Variants in INTS8 observed in about 807,000 individuals in gnomAD.
INTS8 encodes protein kaonashi-1.
Under a neutral mutation model 138.9 loss-of-function variants are expected in INTS8, and 47 were observed. The ratio of observed to expected loss-of-function variants is 0.34; its 90% CI spans 0.27 to 0.43. INTS8 has a LOEUF of 0.43. Among genes scored for constraint, INTS8 ranks in the 20% least tolerant of loss-of-function variants. The pLI, the probability that INTS8 is intolerant of heterozygous loss-of-function variation, is 1.00. For missense variants in INTS8, 996 were observed against 1,173.0 expected, an observed-to-expected ratio of 0.85 and a Z score of 2.20; for synonymous variants, 392 against 400.9, an observed-to-expected ratio of 0.98 and a Z score of 0.27.
chr8:94,839,036 A>T (rs1377655554), intron 8 of INTS8, among the ~76,000 whole-genome samples: 1 of 152,212 alleles, frequency 6.6e-6, no homozygotes, highest in Non-Finnish European at 1.5e-5. Flanking sequence ...TAGTTTTACA[A>T]AACATTAAGT....
At chr8:94,846,678 G>A (rs78460203) in intron 10 of INTS8, among the ~76,000 whole-genome samples, 5,149 of 152,260 alleles carry the variant, frequency 0.034, 88 homozygotes, top group Non-Finnish European at 0.04. Context: ...CAGAAAGCAA[G>A]CTTGCACTAT....
chr8:94,874,442 C>T, intron 22 of INTS8, 110 bp from the exon 23 acceptor site: 1 of 687,878 alleles, frequency 1.5e-6, no homozygotes, highest in Admixed American at 2.3e-5. Context: ...CATATATCCC[C>T]CGTTCCTCCA....
intron 15 of INTS8, among the ~76,000 whole-genome samples, chr8:94,857,902 G>T (rs75838379): frequency 0.034 from 5,150 of 152,326 alleles, 91 homozygotes; most frequent in Non-Finnish European, 0.04. Context: ...ATATTGCAAT[G>T]TTCAGGTGTT....
At chr8:94,843,214 A>G (rs1299585678) in intron 10 of INTS8, among the ~76,000 whole-genome samples, 1 of 152,204 alleles carries the variant, frequency 6.6e-6, no homozygotes. Flanking sequence ...CTTTCACTAA[A>G]GAGATTTATT....
intron 10 of INTS8, among the ~76,000 whole-genome samples, chr8:94,848,315 T>G (rs1287038634): frequency 6.6e-6 from 1 of 152,052 alleles, no homozygotes; most frequent in Admixed American, 6.6e-5. Context: ...ACCAAGCCTG[T>G]TTTTTTAATA....
rs1394029010 is a variant in INTS8 at position 94,872,111 on chromosome 8, C to G, written c.2533+109C>G. 9 of 601,982 alleles carry G rather than the reference C, an allele frequency of 1.5e-5. No individual in the cohort carries two copies. In the East Asian group the frequency reaches 2.6e-4, roughly 17 times the overall value. 37.3% of individuals were successfully genotyped at this position (601,982 alleles called of 1,614,324 possible). A position where few individuals can be genotyped will look rare whatever the true frequency, so the allele number is the denominator to read the frequency against. On this transcript the variant is annotated intron_variant, in intron 21 of 26. Coordinates refer to ENST00000523731, the MANE Select transcript of INTS8 (RefSeq NM_017864.4). ...AATACTTAAGTTTTGTTGAGATTTA[C>G]TTGTCTTTAGTAAAATTAAAGCAGT...
intron 5 of INTS8, among the ~76,000 whole-genome samples, chr8:94,831,031 C>T (rs561677812): frequency 2.6e-5 from 4 of 152,106 alleles, no homozygotes; most frequent in African/African-American, 4.8e-5. Context: ...CTCCTGACCT[C>T]GTGATCTGCC....
intron 12 of INTS8, among the ~76,000 whole-genome samples, chr8:94,850,382 A>G (rs528306894): frequency 6.4e-4 from 97 of 152,234 alleles, no homozygotes; most frequent in Admixed American, 2.2e-3. Flanking sequence ...GGAGGCCAAG[A>G]CGGGCGGATC....
chr8:94,868,520 G>A (rs1816265852), intron 20 of INTS8, among the ~76,000 whole-genome samples: 1 of 152,194 alleles, frequency 6.6e-6, no homozygotes, highest in South Asian at 2.1e-4. Context: ...TCCCAAGGGA[G>A]CACCATGCTG....
intron 26 of INTS8, among the ~76,000 whole-genome samples, chr8:94,879,249 A>G (rs748685072): frequency 1.1e-4 from 16 of 152,172 alleles, no homozygotes; most frequent in Non-Finnish European, 2.2e-4. Context: ...TGACGATCAT[A>G]TCTGAATAGT....
chr8:94,826,312 C>T (rs140091927), intron 2 of INTS8, among the ~76,000 whole-genome samples: 5,666 of 151,390 alleles, frequency 0.037, 113 homozygotes, highest in African/African-American at 0.048. Flanking sequence ...GACGGAGTCT[C>T]GCTCTGTCAC....
At chr8:94,855,896 T>A (rs1029753729) in intron 14 of INTS8, among the ~76,000 whole-genome samples, 2 of 152,168 alleles carry the variant, frequency 1.3e-5, no homozygotes, top group African/African-American at 4.8e-5. Flanking sequence ...CAGGGCAGAT[T>A]ATGAGTTTAT....
In INTS8 at chr8:94,856,766, T is replaced by A. The variant is rs1455024606; in HGVS notation, c.1753-11T>A. 1.2e-6 allele frequency: 2 copies of A among 1,613,452 alleles called. No homozygotes were observed. The highest frequency in any genetic ancestry group is 1.7e-6 in the Non-Finnish European group (2 of 1,179,482). ...GAAAGGTGACCCAGGCTATTCTTTT[T>A]CTTTTCATAGGACTTTTCCCATGCT... On this transcript the variant is annotated splice_polypyrimidine_tract_variant and intron_variant, in intron 14 of 26. Coordinates refer to ENST00000523731, the MANE Select transcript of INTS8 (RefSeq NM_017864.4).
chr8:94,831,759 C>T (rs960811735), intron 5 of INTS8, among the ~76,000 whole-genome samples: 7 of 151,900 alleles, frequency 4.6e-5, no homozygotes, highest in East Asian at 1.9e-4. Flanking sequence ...GGATTATAGG[C>T]GTGAGCCACC....
intron 18 of INTS8, 127 bp from the exon 19 acceptor site, chr8:94,867,013 A>C: frequency 1.3e-6 from 1 of 750,914 alleles, no homozygotes; most frequent in Non-Finnish European, 2.2e-6. Context: ...AGCACATGCT[A>C]AAACAGATGC....
intron 6 of INTS8, among the ~76,000 whole-genome samples, chr8:94,832,740 C>A (rs561697564): frequency 6.6e-6 from 1 of 151,948 alleles, no homozygotes; most frequent in East Asian, 1.9e-4. Flanking sequence ...CTGCAAACTC[C>A]GCCTCCCGGG....
Position 94,849,503 on chromosome 8 carries a change from T to C in INTS8, c.1302T>C (p.Ser434=). Residue 434 remains serine, a synonymous_variant, in exon 11 of 27, where the codon TCT becomes TCC. Transcript: ENST00000523731. ...RSVNLEKASE[S]LKGNMAAFLK... ...TAAATTTAGAAAAAGCTTCAGAGTC[T>C]TTGAAAGGAAACATGGCTGCTTTTC... is the stretch of plus-strand genomic sequence containing the variant. The C allele has an allele frequency of 5.7e-6, 9 of 1,572,232 alleles. No individual in the cohort carries two copies. Among genetic ancestry groups the C allele is most frequent in the Non-Finnish European group, 6.9e-6 (8 of 1,154,994 alleles).
Position 94,880,169 on chromosome 8 carries a change from T to C in INTS8, c.2923T>C (p.Leu975=). ...ELNASNPEEV[L]QLAAQRRKKK... is the part of the protein sequence containing the mutation. The stretch of plus-strand genomic sequence containing the variant: ...GAATGCAAGCAATCCAGAAGAAGTG[T>C]TACAGCTGGCAGCGCAGAGAAGGAA... Residue 975 remains leucine, a synonymous_variant, in exon 27 of 27, where the codon TTA becomes CTA. Coordinates refer to ENST00000523731, the MANE Select transcript of INTS8 (RefSeq NM_017864.4). The C allele has an allele frequency of 6.2e-7, 1 of 1,612,578 alleles. No individual in the cohort carries two copies. Among genetic ancestry groups the C allele is most frequent in the Non-Finnish European group, 8.5e-7 (1 of 1,179,552 alleles).
intron 9 of INTS8, 103 bp downstream of exon 9, chr8:94,841,694 T>G (rs1018962063): frequency 1.7e-5 from 11 of 651,270 alleles, no homozygotes; most frequent in African/African-American, 1.3e-4. Context: ...TCTGTGACAT[T>G]ATTTTCATGT....
Sources: gnomAD v4.1 joint callset for allele counts (sites outside exome capture counted in the v4.1 genomes callset) on GRCh38, gnomAD v4.1.1 for gene constraint, MANE v1.5 for transcripts, NCBI Gene and HGNC (gene_info 2026-07-23, HGNC 2026-07-21) for gene names.